Variants in UHRF2 observed in about 807,000 individuals in gnomAD.
UHRF2 encodes the protein ubiquitin like with PHD and ring finger domains 2.
UHRF2 carries 23 observed loss-of-function variants against 96.8 expected under a neutral mutation model. The observed-to-expected ratio is 0.24, with a 90% CI of 0.17 to 0.34. UHRF2 has a LOEUF of 0.34. Ranked by LOEUF, UHRF2 falls within the 10% of genes least tolerant of loss-of-function variation. UHRF2 has a pLI of 1.00. For missense variants in UHRF2, 685 were observed against 981.5 expected, an observed-to-expected ratio of 0.70 and a Z score of 4.04; for synonymous variants, 385 against 332.6, an observed-to-expected ratio of 1.16 and a Z score of -1.72.
intron 3 of UHRF2, among the ~76,000 whole-genome samples, chr9:6,451,332 T>C (rs1323052719): frequency 6.6e-6 from 1 of 152,250 alleles, no homozygotes; most frequent in Non-Finnish European, 1.5e-5. Context: ...ATTTCTCACA[T>C]TTTGTTAATT....
chr9:6,413,694 G>C lies in UHRF2; in HGVS notation c.153+51G>C, dbSNP rs764769860. The C allele has an allele frequency of 3.4e-6, 5 of 1,484,324 alleles. No homozygotes were observed. In the African/African-American group the frequency reaches 7.2e-5, roughly 21 times the overall value. The allele number at this position is 1,484,324 out of a possible 1,614,324, so 91.9% of individuals were successfully genotyped here. ...GCGAGGCTGGGGGCCGGAACAGCTG[G>C]GCTCCTCTGGACGCACCGGTCCGAG... On this transcript the variant is annotated intron_variant, in intron 1 of 15. Coordinates refer to ENST00000276893, the MANE Select transcript of UHRF2 (RefSeq NM_152896.3).
At chr9:6,437,419 T>TA (rs1820916164) in intron 3 of UHRF2, among the ~76,000 whole-genome samples, 1 of 151,928 alleles carries the variant, frequency 6.6e-6, no homozygotes, top group Non-Finnish European at 1.5e-5. Flanking sequence ...CTTTAGTAGA[T>TA]ACGGGGTTTC....
chr9:6,423,144 T>C (rs1820033756), intron 2 of UHRF2, among the ~76,000 whole-genome samples: 2 of 152,198 alleles, frequency 1.3e-5, no homozygotes, highest in South Asian at 2.1e-4. Context: ...ATTTTAGATA[T>C]ATGGAAAAAT....
intron 3 of UHRF2, among the ~76,000 whole-genome samples, chr9:6,446,975 G>T (rs1307970175): frequency 6.6e-6 from 1 of 151,994 alleles, no homozygotes; most frequent in Non-Finnish European, 1.5e-5. Context: ...TGCAAGCTCC[G>T]CCTCCCGGGT....
intron 4 of UHRF2, among the ~76,000 whole-genome samples, chr9:6,461,698 C>CT (rs1157070678): frequency 6.6e-6 from 1 of 151,888 alleles, no homozygotes; most frequent in Non-Finnish European, 1.5e-5. Flanking sequence ...TTAAGAAATA[C>CT]TTTCAGATGT....
At chr9:6,487,483 C>G (rs1449682583) in intron 9 of UHRF2, among the ~76,000 whole-genome samples, 1 of 152,216 alleles carries the variant, frequency 6.6e-6, no homozygotes, top group Non-Finnish European at 1.5e-5. Context: ...TCTCCTGCCT[C>G]CACCTCCTGA....
intron 4 of UHRF2, chr9:6,468,339 A>C (rs1474269630): frequency 7.1e-6 from 3 of 422,100 alleles, no homozygotes; most frequent in Non-Finnish European, 9.5e-6. Flanking sequence ...CATGGAAAGC[A>C]CCTGTTTGCA....
At chr9:6,450,154 A>G (rs1296954043) in intron 3 of UHRF2, among the ~76,000 whole-genome samples, 1 of 152,232 alleles carries the variant, frequency 6.6e-6, no homozygotes, top group Admixed American at 6.5e-5. Flanking sequence ...AAAATTCCCA[A>G]TGATTCCTTA....
intron 4 of UHRF2, among the ~76,000 whole-genome samples, chr9:6,473,385 A>G (rs1665383988): frequency 6.6e-6 from 1 of 152,222 alleles, no homozygotes. Context: ...TATGAGCTAT[A>G]CTACTGGGTC....
intron 2 of UHRF2, among the ~76,000 whole-genome samples, chr9:6,424,704 A>C (rs556019008): frequency 5.9e-5 from 9 of 151,774 alleles, no homozygotes; most frequent in African/African-American, 2.2e-4. Flanking sequence ...TTTGTTCCAG[A>C]ATCCCACTAG....
rs532547687 is a variant in UHRF2 at position 6,470,849 on chromosome 9, A to G, written c.864-4542A>G. On this transcript the variant is annotated intron_variant, in intron 4 of 15. Transcript: ENST00000276893. ...AAAAAATAAATATTAGTCTAATCCA[A>G]AATAAGGCAATTGTGACTAAAAGAA... is the stretch of plus-strand genomic sequence containing the variant. Among the ~76,000 whole-genome samples the G allele has an allele frequency of 1.1e-4, 17 of 152,334 alleles. 1 individual carries two copies. Among genetic ancestry groups the G allele is most frequent in the Admixed American group, 2.6e-4 (4 of 15,298 alleles).
intron 3 of UHRF2, among the ~76,000 whole-genome samples, chr9:6,439,778 T>TAG (rs1821056305): frequency 6.6e-6 from 1 of 152,156 alleles, no homozygotes; most frequent in African/African-American, 2.4e-5. Flanking sequence ...CACATACAAC[T>TAG]TGGCTGTGAG....
At chr9:6,504,725 G>T in intron 15 of UHRF2, 34 bp downstream of exon 15, 1 of 1,541,912 alleles carries the variant, frequency 6.5e-7, no homozygotes, top group Non-Finnish European at 8.9e-7. Flanking sequence ...TTCCCTGTTA[G>T]GTATGAAGGC....
At chr9:6,489,710 T>C (rs1824538365) in intron 9 of UHRF2, among the ~76,000 whole-genome samples, 1 of 150,790 alleles carries the variant, frequency 6.6e-6, no homozygotes, top group African/African-American at 2.5e-5. Flanking sequence ...TTTTTGGCCA[T>C]TTTCTAATTG....
At chr9:6,455,557 G>T (rs1190526445) in intron 3 of UHRF2, among the ~76,000 whole-genome samples, 1 of 152,098 alleles carries the variant, frequency 6.6e-6, no homozygotes, top group African/African-American at 2.4e-5. Context: ...ATTTGGGTTG[G>T]TTCCAAGTCT....
chr9:6,480,005 G>A (rs10975605), intron 6 of UHRF2, among the ~76,000 whole-genome samples: 41,398 of 151,876 alleles, frequency 0.27, 7,598 homozygotes, highest in African/African-American at 0.52. Flanking sequence ...GAAACCCTCT[G>A]ATGTCTTCCT....
intron 6 of UHRF2, among the ~76,000 whole-genome samples, chr9:6,478,240 A>G (rs1823706574): frequency 6.6e-6 from 1 of 152,204 alleles, no homozygotes; most frequent in Admixed American, 6.5e-5. Context: ...GTTCTTTTTC[A>G]GGTTGTCACA....
intron 3 of UHRF2, among the ~76,000 whole-genome samples, chr9:6,446,588 C>T (rs967968992): frequency 7.9e-5 from 12 of 151,722 alleles, no homozygotes; most frequent in Admixed American, 7.9e-4. Flanking sequence ...GTGGCTTATT[C>T]CTGTAATCCC....
intron 4 of UHRF2, among the ~76,000 whole-genome samples, chr9:6,473,320 T>A (rs890460554): frequency 4.6e-5 from 7 of 152,136 alleles, no homozygotes. Context: ...AGTATGGAAG[T>A]TGTTAGAGAA....
Sources: gnomAD v4.1 joint callset for allele counts (sites outside exome capture counted in the v4.1 genomes callset) on GRCh38, gnomAD v4.1.1 for gene constraint, MANE v1.5 for transcripts, NCBI Gene and HGNC (gene_info 2026-07-23, HGNC 2026-07-21) for gene names.